PSKH1: variants seen among roughly 807,000 people sequenced by gnomAD.
PSKH1 encodes serine/threonine-protein kinase H1.
A neutral mutation model predicts 26.7 loss-of-function variants in PSKH1; 12 were observed. The observed-to-expected ratio is 0.45, with a 90% confidence interval of 0.29 to 0.73. The LOEUF (loss-of-function observed/expected upper bound fraction) is 0.73, where lower values mean the gene tolerates loss of function less well. PSKH1 is among the 30% of genes least tolerant of loss of function. The pLI is 0.11. For synonymous variants in PSKH1, 213 were observed against 234.3 expected, an observed-to-expected ratio of 0.91 and a Z score of 0.83; for missense variants, 431 against 595.2, an observed-to-expected ratio of 0.72 and a Z score of 2.87.
At chr16:67,900,524 G>T (rs1330528012) in intron 1 of PSKH1, among the ~76,000 whole-genome samples, 1 of 152,190 alleles carries the variant, frequency 6.6e-6, no homozygotes, top group Admixed American at 6.5e-5. Context: ...GACTGGATGA[G>T]GCCCAGCACT....
At chr16:67,899,571 G>A (rs953562593) in intron 1 of PSKH1, among the ~76,000 whole-genome samples, 1 of 152,046 alleles carries the variant, frequency 6.6e-6, no homozygotes, top group African/African-American at 2.4e-5. Flanking sequence ...TCCTGTCCTC[G>A]TGATCGGCCC....
At chr16:67,910,650 G>A (rs146254228) in intron 2 of PSKH1, among the ~76,000 whole-genome samples, 39 of 152,170 alleles carry the variant, frequency 2.6e-4, no homozygotes, top group African/African-American at 8.2e-4. Context: ...TTACAGGCCC[G>A]CATCACCTCC....
Position 67,927,225 on chromosome 16 carries a change from C to T in PSKH1, c.958-100C>T, listed in dbSNP as rs2058219665. The T allele has an allele frequency of 8.0e-7, 1 of 1,249,472 alleles. No homozygotes were observed. Among genetic ancestry groups the T allele is most frequent in the Non-Finnish European group, 1.1e-6 (1 of 896,130 alleles). The allele number at this position is 1,249,472 out of a possible 1,614,324, so 77.4% of individuals were successfully genotyped here. A position where few individuals can be genotyped will look rare whatever the true frequency, so the allele number is the denominator to read the frequency against. Reference sequence around the variant, plus strand: ...GTGCTACATGAGAGGAGGGGCAGCACCTCTCTCTGGAAAGGGGAGGGTTGC... The same window carrying T: ...GTGCTACATGAGAGGAGGGGCAGCATCTCTCTCTGGAAAGGGGAGGGTTGC... On this transcript the variant is annotated intron_variant, in intron 2 of 2. Transcript: ENST00000291041. This position sits in a 1 kb window ranked among gnomAD's most constrained non-coding sequence, Gnocchi z 5.5.
Position 67,927,430 on chromosome 16 carries a change from G to A in PSKH1, c.1063G>A (p.Val355Met), listed in dbSNP as rs1306749423. The change falls in exon 3 of 3, where the codon GTG (valine) becomes ATG (methionine). Residue 355 changes from valine (V) to methionine (M), a missense_variant. Coordinates refer to ENST00000291041, the MANE Select transcript of PSKH1 (RefSeq NM_006742.3). The surrounding 1 kb of genome is among the most constrained non-coding windows in gnomAD (Gnocchi z 5.5). Reference sequence around the variant, plus strand: ...ACTGCAGGCCCTGAGGCACCCGTGGGTGGTGAGCATGGCTGCCTCTTCATC... The same window carrying A: ...ACTGCAGGCCCTGAGGCACCCGTGGATGGTGAGCATGGCTGCCTCTTCATC... ...TALQALRHPW[V>M]VSMAASSSMK... The A allele has an allele frequency of 1.9e-6, 3 of 1,614,206 alleles. No individual in the cohort carries two copies. Among genetic ancestry groups the A allele is most frequent in the South Asian group, 2.2e-5 (2 of 91,088 alleles).
rs58819890 is a variant in PSKH1, at chr16:67,904,016, AT to A, written c.-70-4647del. 3.8e-3 allele frequency among the ~76,000 whole-genome samples: 477 copies of A among 126,392 alleles called. 1 individual carries two copies. Among genetic ancestry groups the A allele is most frequent in the African/African-American group, 5.9e-3 (200 of 33,914 alleles). 82.9% of individuals were successfully genotyped at this position (126,392 alleles called of 152,430 possible). On this transcript the variant is annotated intron_variant, in intron 1 of 2. Transcript: ENST00000291041. ...AGGTGCATACCATCATACCCAGCTG[AT>A]TTTTTTTTTTTTTTTTGAGACGGAG...
At chr16:67,917,930 A>T (rs372735198) in intron 2 of PSKH1, among the ~76,000 whole-genome samples, 1 of 152,166 alleles carries the variant, frequency 6.6e-6, no homozygotes, top group South Asian at 2.1e-4. Flanking sequence ...TGGAGAGGGC[A>T]TGCTGGAAGT....
At position 67,908,666 on chromosome 16, in the gene PSKH1, C is replaced by T; in HGVS notation, c.-70-14C>T. 10 of 1,212,112 alleles carry T rather than the reference C, an allele frequency of 8.3e-6. No homozygotes were observed. The highest frequency in any genetic ancestry group is 1.0e-5 in the Non-Finnish European group (9 of 865,822). 75.1% of individuals were successfully genotyped at this position (1,212,112 alleles called of 1,614,324 possible). ...TGGCCTGGCTGTGCTGACTTGTTCT[C>T]TCTTTGTGTGTAGGTGTAGACGGGG... On this transcript the variant is annotated splice_polypyrimidine_tract_variant and intron_variant, in intron 1 of 2. Coordinates refer to ENST00000291041, the MANE Select transcript of PSKH1 (RefSeq NM_006742.3).
intron 2 of PSKH1, among the ~76,000 whole-genome samples, chr16:67,916,945 T>C (rs1277990433): frequency 6.6e-6 from 1 of 152,126 alleles, no homozygotes; most frequent in African/African-American, 2.4e-5. Flanking sequence ...GCCCATGCCC[T>C]AGACCCCACC....
At position 67,927,308 on chromosome 16, in the gene PSKH1, T is replaced by C. The variant is rs1202637897; in HGVS notation, c.958-17T>C. The C allele has an allele frequency of 6.3e-7, 1 of 1,591,586 alleles. No individual in the cohort carries two copies. Among genetic ancestry groups the C allele is most frequent in the Admixed American group, 1.7e-5 (1 of 58,828 alleles). ...GTGTCAGATGCTCTCACTCTAATGCTTGTCCTTGGTCTCTAGCCCTGGCCT... is the reference window on the plus strand; with the variant it reads ...GTGTCAGATGCTCTCACTCTAATGCCTGTCCTTGGTCTCTAGCCCTGGCCT... On this transcript the variant is annotated splice_polypyrimidine_tract_variant and intron_variant, in intron 2 of 2. Transcript: ENST00000291041. This position sits in a 1 kb window ranked among gnomAD's most constrained non-coding sequence, Gnocchi z 5.5.
rs905818512 is a variant in PSKH1, at chr16:67,928,407, C to A, written c.*765C>A. 3 of 152,682 alleles carry A rather than the reference C, an allele frequency of 2.0e-5. No homozygotes were observed. The highest frequency in any genetic ancestry group is 1.5e-5 in the Non-Finnish European group (1 of 68,100). 9.5% of individuals were successfully genotyped at this position (152,682 alleles called of 1,614,324 possible). A position where few individuals can be genotyped will look rare whatever the true frequency, so the allele number is the denominator to read the frequency against. On this transcript the variant is annotated 3_prime_UTR_variant, in exon 3 of 3. Coordinates refer to ENST00000291041, the MANE Select transcript of PSKH1 (RefSeq NM_006742.3). This position sits in a 1 kb window ranked among gnomAD's most constrained non-coding sequence, Gnocchi z 4.8. ...GCCCTTGGTGCCTTCTTTGTAGAGC[C>A]CACCGCTACCTCCCTCTCCCCGTTG...
chr16:67,921,338 G>A (rs111465361), intron 2 of PSKH1, among the ~76,000 whole-genome samples: 22,669 of 152,034 alleles, frequency 0.15, 1,878 homozygotes, highest in African/African-American at 0.22. Context: ...CACTTTGGGA[G>A]GCCGAGGCGG....
At chr16:67,924,395 G>T (rs1429324702) in intron 2 of PSKH1, among the ~76,000 whole-genome samples, 1 of 152,232 alleles carries the variant, frequency 6.6e-6, no homozygotes, top group Non-Finnish European at 1.5e-5. Flanking sequence ...TCCATGAGCA[G>T]CAGGGGTTGA....
At chr16:67,913,690 G>T (rs1202787060) in intron 2 of PSKH1, among the ~76,000 whole-genome samples, 1 of 152,208 alleles carries the variant, frequency 6.6e-6, no homozygotes, top group Non-Finnish European at 1.5e-5. Context: ...CTGCCAGGGA[G>T]TGGCAGAGGC....
intron 1 of PSKH1, among the ~76,000 whole-genome samples, chr16:67,898,651 T>G (rs1598185684): frequency 6.7e-6 from 1 of 148,236 alleles, no homozygotes. Context: ...GGAGATGGAG[T>G]CTCGCTCTGT....
At chr16:67,895,687 G>C (rs549468286) in intron 1 of PSKH1, among the ~76,000 whole-genome samples, 1 of 152,102 alleles carries the variant, frequency 6.6e-6, no homozygotes, top group African/African-American at 2.4e-5. Context: ...GATTACAGGC[G>C]TGAGCCACCA....
chr16:67,929,633 A>G lies in PSKH1; in HGVS notation c.*1991A>G, dbSNP rs903604813. ...GTTTGTAAACGTATCCTCTGTATTCAGTAAACAGGCTGCCTCTCCAGGGAG... is the reference window on the plus strand; with the variant it reads ...GTTTGTAAACGTATCCTCTGTATTCGGTAAACAGGCTGCCTCTCCAGGGAG... On this transcript the variant is annotated 3_prime_UTR_variant, in exon 3 of 3. Transcript: ENST00000291041. The G allele has an allele frequency of 2.3e-6, 1 of 442,392 alleles. No individual in the cohort carries two copies. Among genetic ancestry groups the G allele is most frequent in the African/African-American group, 2.0e-5 (1 of 51,166 alleles). 27.4% of individuals were successfully genotyped at this position (442,392 alleles called of 1,614,324 possible).
intron 2 of PSKH1, among the ~76,000 whole-genome samples, chr16:67,913,148 G>T (rs1001867526): frequency 1.3e-5 from 2 of 152,048 alleles, no homozygotes; most frequent in African/African-American, 4.8e-5. Context: ...ATGTGCCACT[G>T]CACTCCAGCC....
intron 1 of PSKH1, among the ~76,000 whole-genome samples, chr16:67,900,401 T>G (rs1021193710): frequency 2.6e-5 from 4 of 152,148 alleles, no homozygotes; most frequent in African/African-American, 9.7e-5. Context: ...GTGAGCAGTG[T>G]GACTCAGATT....
Position 67,909,386 on chromosome 16 carries a change from G to T in PSKH1, c.637G>T (p.Gly213Cys). The T allele has an allele frequency of 6.2e-7, 1 of 1,613,588 alleles. No homozygotes were observed. Among genetic ancestry groups the T allele is most frequent in the South Asian group, 1.1e-5 (1 of 91,038 alleles). Residue 213 changes from glycine (G) to cysteine (C), a missense_variant, in exon 2 of 3, where the codon GGC (glycine) becomes TGC (cysteine). By Grantham distance (159) the Gly-to-Cys change is radical. Coordinates refer to ENST00000291041, the MANE Select transcript of PSKH1 (RefSeq NM_006742.3). This position sits in a 1 kb window ranked among gnomAD's most constrained non-coding sequence, Gnocchi z 7.8. Reference protein sequence around the residue: ...LDGVRYLHALGITHRDLKPEN... With the variant: ...LDGVRYLHALCITHRDLKPEN... ...TGGCGTCCGGTATCTGCATGCACTG[G>T]GCATCACACACCGAGACCTCAAACC...
Sources: gnomAD v4.1 joint callset for allele counts (sites outside exome capture counted in the v4.1 genomes callset) on GRCh38, gnomAD v4.1.1 for gene constraint, Gnocchi (gnomAD v3.1) non-coding constraint, MANE v1.5 for transcripts, NCBI Gene and HGNC (gene_info 2026-07-23, HGNC 2026-07-21) for gene names.